CCDC179: variants seen among roughly 807,000 people sequenced by gnomAD.
The protein encoded by CCDC179 is coiled-coil domain containing 179.
In CCDC179, 17 loss-of-function variants were observed where a neutral mutation model predicts 12.0. The ratio of observed to expected loss-of-function variants is 1.42; its 90% CI spans 0.97 to 2.13. CCDC179 has a LOEUF of 2.13. Among genes scored for constraint, CCDC179 ranks in the 30% most tolerant of loss-of-function variants. CCDC179 has a pLI of 0.00. For synonymous variants in CCDC179, 27 were observed against 26.4 expected (o/e 1.02, Z -0.07); for missense variants, 83 against 78.6 (o/e 1.06, Z -0.21).
chr11:22,849,831 C>T (rs1371778987), intron 3 of CCDC179, among the ~76,000 whole-genome samples: 1 of 151,938 alleles, frequency 6.6e-6, no homozygotes, highest in East Asian at 1.9e-4. Flanking sequence ...GACACGGACA[C>T]ACATGAGGAA....
chr11:22,853,317 T>A (rs1361391216), intron 3 of CCDC179, among the ~76,000 whole-genome samples: 4 of 152,134 alleles, frequency 2.6e-5, no homozygotes. Flanking sequence ...TTTAGAATTA[T>A]CAGACTTGGA....
chr11:22,860,259 C>T, intron 1 of CCDC179, 118 bp downstream of exon 1: 1 of 1,192,960 alleles, frequency 8.4e-7, no homozygotes, highest in Non-Finnish European at 1.2e-6. Context: ...TTCCCAACCC[C>T]CAGCACCAAA....
intron 3 of CCDC179, among the ~76,000 whole-genome samples, chr11:22,850,511 T>A (rs1258813115): frequency 6.6e-6 from 1 of 152,220 alleles, no homozygotes; most frequent in Non-Finnish European, 1.5e-5. Flanking sequence ...TTTAGCCTCA[T>A]TCCACATTTT....
chr11:22,858,681 A>C (rs1054178910), intron 2 of CCDC179, among the ~76,000 whole-genome samples: 3 of 152,048 alleles, frequency 2.0e-5, no homozygotes, highest in African/African-American at 7.2e-5. Context: ...TAACAATAAA[A>C]AATTTGCTTT....
intron 3 of CCDC179, among the ~76,000 whole-genome samples, chr11:22,854,616 A>G (rs1204296875): frequency 1.3e-5 from 2 of 151,840 alleles, no homozygotes; most frequent in African/African-American, 4.8e-5. Flanking sequence ...ATTAAATAAT[A>G]TGAATTGCTC....
chr11:22,854,274 G>GA (rs1281519286), intron 3 of CCDC179, among the ~76,000 whole-genome samples: 4 of 150,770 alleles, frequency 2.7e-5, no homozygotes, highest in African/African-American at 4.9e-5. Flanking sequence ...CATTAGAAAT[G>GA]AAAAAAAAGA....
At chr11:22,850,300 A>G (rs1299006518) in intron 3 of CCDC179, among the ~76,000 whole-genome samples, 2 of 152,206 alleles carry the variant, frequency 1.3e-5, no homozygotes, top group African/African-American at 2.4e-5. Context: ...TACCCTTACT[A>G]TCTGCCTAAG....
rs1026844615 is a variant in CCDC179 at position 22,860,395 on chromosome 11, C to T, written c.27G>A (p.Glu9=). 33 of 1,535,532 alleles carry T rather than the reference C, an allele frequency of 2.1e-5. No individual in the cohort carries two copies. The highest frequency in any genetic ancestry group is 2.7e-5 in the Non-Finnish European group (31 of 1,146,680). Residue 9 remains glutamate, a synonymous_variant, in exon 1 of 4, where the codon GAG becomes GAA. Transcript: ENST00000532798. MCLYCWDI[E]PSQVNPEGPR... ...GACTCACAGGGTTGACTTGGGAAGG[C>T]TCGATGTCCCAGCAATACAGGCACA...
chr11:22,848,142 G>T (rs1170025970), intron 3 of CCDC179, among the ~76,000 whole-genome samples: 1 of 152,062 alleles, frequency 6.6e-6, no homozygotes, highest in Non-Finnish European at 1.5e-5. Flanking sequence ...ATTTTTAAAA[G>T]GTTTTATTAT....
At chr11:22,860,294 CCATGGCCAAGG>C in intron 1 of CCDC179, 72 bp downstream of exon 1, 1 of 1,453,250 alleles carries the variant, frequency 6.9e-7, no homozygotes, top group Non-Finnish European at 9.2e-7. Context: ...GTTAGAAGCA[CCATGGCCAAGG>C]CCACAGTGGC....
intron 3 of CCDC179, among the ~76,000 whole-genome samples, chr11:22,852,936 C>T (rs1325502744): frequency 6.6e-6 from 1 of 152,156 alleles, no homozygotes; most frequent in African/African-American, 2.4e-5. Context: ...CCCTTCTTCC[C>T]CTACAACTTA....
At position 22,858,032 on chromosome 11, in the gene CCDC179, G is replaced by A. The variant is rs1190042933; in HGVS notation, c.91-6C>T. 8 of 1,459,260 alleles carry A rather than the reference G, an allele frequency of 5.5e-6. No homozygotes were observed. Among genetic ancestry groups the A allele is most frequent in the Non-Finnish European group, 4.5e-6 (5 of 1,101,874 alleles). 90.4% of individuals were successfully genotyped at this position (1,459,260 alleles called of 1,614,324 possible). Reference sequence around the variant, plus strand: ...TGAATACGTTTATTTGCAAGCTTTAGAAAAATTAAAATGAAAGAAAAATCA... The same window carrying A: ...TGAATACGTTTATTTGCAAGCTTTAAAAAAATTAAAATGAAAGAAAAATCA... On this transcript the variant is annotated splice_polypyrimidine_tract_variant and splice_region_variant and intron_variant, in intron 2 of 3. Coordinates refer to ENST00000532798, the MANE Select transcript of CCDC179 (RefSeq NM_001195637.2).
rs777358243 is a variant in CCDC179 at position 22,847,205 on chromosome 11, C to T, written c.*305G>A. On this transcript the variant is annotated 3_prime_UTR_variant, in exon 4 of 4. Transcript: ENST00000532798. ...ATCTAAATATGTCATAAAACATTTGCAAAAATTTAAATGAGAATAATATTT... is the reference window on the plus strand; with the variant it reads ...ATCTAAATATGTCATAAAACATTTGTAAAAATTTAAATGAGAATAATATTT... 1 of 216,008 alleles carries T rather than the reference C, an allele frequency of 4.6e-6. No individual in the cohort carries two copies. The highest frequency in any genetic ancestry group is 9.0e-6 in the Non-Finnish European group (1 of 111,058). The allele number at this position is 216,008 out of a possible 1,614,324, so 13.4% of individuals were successfully genotyped here.
intron 2 of CCDC179, 41 bp from the exon 3 acceptor site, chr11:22,858,067 G>A (rs1858568517): frequency 2.3e-6 from 3 of 1,284,854 alleles, no homozygotes; most frequent in Non-Finnish European, 3.2e-6. Context: ...ATACTTTTTT[G>A]TAACATATAA....
intron 3 of CCDC179, among the ~76,000 whole-genome samples, chr11:22,857,290 G>A (rs1309469732): frequency 2.0e-5 from 3 of 151,560 alleles, no homozygotes; most frequent in Admixed American, 6.6e-5. Flanking sequence ...TAGTTTTCGA[G>A]ACAGTATGGT....
chr11:22,858,449 G>A (rs905678486), intron 2 of CCDC179, among the ~76,000 whole-genome samples: 17 of 151,970 alleles, frequency 1.1e-4, no homozygotes, highest in South Asian at 2.1e-4. Context: ...ATTGTGTGGC[G>A]TCTACAAGTA....
chr11:22,850,075 C>A (rs1858336193), intron 3 of CCDC179, among the ~76,000 whole-genome samples: 1 of 152,156 alleles, frequency 6.6e-6, no homozygotes, highest in Non-Finnish European at 1.5e-5. Flanking sequence ...TCTTCTTATG[C>A]AGATGAACTT....
At chr11:22,858,503 A>G (rs1241641399) in intron 2 of CCDC179, among the ~76,000 whole-genome samples, 1 of 151,674 alleles carries the variant, frequency 6.6e-6, no homozygotes. Context: ...TAAGATAATG[A>G]AATACAGTAA....
intron 3 of CCDC179, among the ~76,000 whole-genome samples, chr11:22,853,421 C>T (rs1858458450): frequency 6.6e-6 from 1 of 151,914 alleles, no homozygotes; most frequent in Non-Finnish European, 1.5e-5. Flanking sequence ...AATGGAAAAT[C>T]TAAGAAGAAA....
Sources: allele counts gnomAD v4.1 joint callset (sites outside exome capture counted in the v4.1 genomes callset), GRCh38; gene constraint gnomAD v4.1.1; transcripts MANE v1.5; gene names NCBI Gene and HGNC (gene_info 2026-07-23, HGNC 2026-07-21).